The following DOCK3 variants were observed in gnomAD, a reference collection of about 807,000 sequenced individuals.
DOCK3 encodes dedicator of cytokinesis protein 3.
A neutral mutation model predicts 265.6 loss-of-function variants in DOCK3; 60 were observed. The observed-to-expected ratio is 0.23, with a 90% CI of 0.18 to 0.28. The LOEUF is 0.28. Among genes scored for constraint, DOCK3 ranks in the 10% least tolerant of loss-of-function variants. DOCK3 has a pLI of 1.00. For missense variants in DOCK3, 1,981 were observed against 2,594.3 expected (o/e 0.76, Z 5.14); for synonymous variants, 881 against 938.0 (o/e 0.94, Z 1.11).
intron 32 of DOCK3, among the ~76,000 whole-genome samples, chr3:51,317,809 A>G (rs1480823470): frequency 6.6e-6 from 1 of 152,002 alleles, no homozygotes; most frequent in East Asian, 1.9e-4. Flanking sequence ...TTAAAAAATC[A>G]ATTGACCATA....
Position 51,381,457 on chromosome 3 carries a change from T to G in DOCK3, c.5991T>G (p.Thr1997=), listed in dbSNP as rs781977722. ...HDEGVLLREE[T]ERPRGLHRKA... ...AGGGGGTGCTGCTGCGTGAAGAGAC[T>G]GAGAGGCCTCGAGGCCTGCACCGCA... Residue 1997 remains threonine, a synonymous_variant, in exon 53 of 53, where the codon ACT becomes ACG. Coordinates refer to ENST00000266037, the MANE Select transcript of DOCK3 (RefSeq NM_004947.5). The surrounding 1 kb of genome is among the most constrained non-coding windows in gnomAD (Gnocchi z 5.6). 11 of 1,603,716 alleles carry G rather than the reference T, an allele frequency of 6.9e-6. No homozygotes were observed. The highest frequency in any genetic ancestry group is 1.7e-5 in the Admixed American group (1 of 58,310).
intron 27 of DOCK3, among the ~76,000 whole-genome samples, chr3:51,289,578 T>C (rs191041784): frequency 9.9e-5 from 15 of 151,388 alleles, no homozygotes; most frequent in Non-Finnish European, 2.1e-4. Context: ...GTAATTACTT[T>C]GAATGTAAAT....
At chr3:51,094,870 A>T (rs2109629800) in intron 9 of DOCK3, among the ~76,000 whole-genome samples, 1 of 151,688 alleles carries the variant, frequency 6.6e-6, no homozygotes, top group South Asian at 2.1e-4. Flanking sequence ...GTGCATATAT[A>T]TTTAGGATAG....
rs2085321183 is a variant in DOCK3, at chr3:51,146,779, A to G, written c.828+149A>G. 7.3e-6 allele frequency: 5 copies of G among 680,272 alleles called. No homozygotes were observed. The Admixed American group carries it at 1.6e-4, about 22-fold the overall frequency. 42.1% of individuals were successfully genotyped at this position (680,272 alleles called of 1,614,324 possible). A position where few individuals can be genotyped will look rare whatever the true frequency, so the allele number is the denominator to read the frequency against. ...TTGATTTATGTTTCTATTAGGTTTT[A>G]ATGAAATATTTATAGAAAACTGAAA... On this transcript the variant is annotated intron_variant, in intron 10 of 52. Transcript: ENST00000266037.
intron 2 of DOCK3, among the ~76,000 whole-genome samples, chr3:50,801,326 G>T (rs1227862844): frequency 6.6e-6 from 1 of 151,982 alleles, no homozygotes; most frequent in Admixed American, 6.6e-5. Context: ...TGAGTGGTTT[G>T]GCAGGAAAAA....
At chr3:51,364,730 T>G (rs1160251164) in intron 49 of DOCK3, among the ~76,000 whole-genome samples, 1 of 152,240 alleles carries the variant, frequency 6.6e-6, no homozygotes, top group Non-Finnish European at 1.5e-5. Context: ...GCACCATTTA[T>G]TAAATAGAGA....
At chr3:50,814,494 A>T (rs1339083844) in intron 2 of DOCK3, among the ~76,000 whole-genome samples, 2 of 151,784 alleles carry the variant, frequency 1.3e-5, no homozygotes, top group Non-Finnish European at 2.9e-5. Flanking sequence ...CGGAGCTCCT[A>T]GTGTCAAGTG....
intron 4 of DOCK3, among the ~76,000 whole-genome samples, chr3:50,910,915 G>C (rs939664310): frequency 1.3e-5 from 2 of 151,952 alleles, no homozygotes; most frequent in African/African-American, 2.4e-5. Context: ...TTGCATGGAT[G>C]GTTGTTCAAT....
intron 5 of DOCK3, among the ~76,000 whole-genome samples, chr3:51,030,582 C>G (rs1162717739): frequency 6.6e-6 from 1 of 152,090 alleles, no homozygotes; most frequent in Non-Finnish European, 1.5e-5. Context: ...AGTTCTGGAT[C>G]CAATTTTTGT....
At chr3:50,983,220 C>A (rs990478985) in intron 5 of DOCK3, among the ~76,000 whole-genome samples, 3 of 152,124 alleles carry the variant, frequency 2.0e-5, no homozygotes, top group Non-Finnish European at 4.4e-5. Flanking sequence ...TGGTGCTGGC[C>A]TGCAGGTGCC....
intron 12 of DOCK3, among the ~76,000 whole-genome samples, chr3:51,200,209 A>T (rs1576389182): frequency 6.6e-6 from 1 of 152,210 alleles, no homozygotes; most frequent in East Asian, 1.9e-4. Flanking sequence ...AGTTGAGAGA[A>T]GAAGGCTTCA....
chr3:50,858,856 T>G (rs1466280627), intron 3 of DOCK3, among the ~76,000 whole-genome samples: 1 of 152,166 alleles, frequency 6.6e-6, no homozygotes, highest in East Asian at 1.9e-4. Context: ...CATTTCTTTT[T>G]ATTCTATTTT....
chr3:50,750,045 A>G (rs957903179), intron 1 of DOCK3, among the ~76,000 whole-genome samples: 1 of 152,142 alleles, frequency 6.6e-6, no homozygotes, highest in Admixed American at 6.5e-5. Flanking sequence ...AGCCAGTGCT[A>G]CCACCTGAGC....
intron 9 of DOCK3, among the ~76,000 whole-genome samples, chr3:51,116,178 G>A (rs913248134): frequency 1.1e-4 from 16 of 152,060 alleles, no homozygotes; most frequent in Admixed American, 6.6e-4. Flanking sequence ...TAGGCCAGAC[G>A]TGGTGGCTCA....
intron 1 of DOCK3, among the ~76,000 whole-genome samples, chr3:50,727,776 A>G (rs2037924933): frequency 1.3e-5 from 2 of 152,224 alleles, no homozygotes; most frequent in Admixed American, 1.3e-4. Flanking sequence ...ATGCACAGTT[A>G]ATAGAGCTTT....
At chr3:51,189,970 G>C (rs1010085895) in intron 12 of DOCK3, among the ~76,000 whole-genome samples, 1 of 152,190 alleles carries the variant, frequency 6.6e-6, no homozygotes, top group Non-Finnish European at 1.5e-5. Flanking sequence ...TGTGTCTGTA[G>C]TGGTGATGAG....
intron 2 of DOCK3, among the ~76,000 whole-genome samples, chr3:50,810,203 T>C (rs1360029503): frequency 6.6e-6 from 1 of 152,138 alleles, no homozygotes; most frequent in Non-Finnish European, 1.5e-5. Flanking sequence ...AGGATGCTGC[T>C]ACTGTTTTTA....
At chr3:50,734,503 A>G (rs1201846627) in intron 1 of DOCK3, among the ~76,000 whole-genome samples, 1 of 152,176 alleles carries the variant, frequency 6.6e-6, no homozygotes, top group Non-Finnish European at 1.5e-5. Flanking sequence ...CTCTGTCTCA[A>G]AAAAATAACA....
chr3:51,097,859 G>C (rs1328694256), intron 9 of DOCK3, among the ~76,000 whole-genome samples: 1 of 152,158 alleles, frequency 6.6e-6, no homozygotes, highest in African/African-American at 2.4e-5. Flanking sequence ...TCCTTGGCTA[G>C]GGGAGGGAGT....
Sources: allele counts gnomAD v4.1 joint callset (sites outside exome capture counted in the v4.1 genomes callset), GRCh38; gene constraint gnomAD v4.1.1; non-coding constraint Gnocchi (gnomAD v3.1); transcripts MANE v1.5; gene names NCBI Gene and HGNC (gene_info 2026-07-23, HGNC 2026-07-21).